Variants in GLP1R observed in about 807,000 individuals in gnomAD.
GLP1R encodes the protein glucagon like peptide 1 receptor, also known as glucagon-like peptide 1 receptor.
A neutral mutation model predicts 68.4 loss-of-function variants in GLP1R; 32 were observed. The observed-to-expected ratio is 0.47, with a 90% CI of 0.35 to 0.63. The LOEUF is 0.63. GLP1R is among the 20% of genes least tolerant of loss of function. The probability of loss-of-function intolerance (pLI) is 0.00; values close to 1 mark genes in which losing one functional copy is unlikely to be tolerated. For synonymous variants in GLP1R, 263 were observed against 244.4 expected (o/e 1.08, Z -0.71); for missense variants, 502 against 594.9 (o/e 0.84, Z 1.62).
At chr6:39,073,294 G>A (rs1768723974) in intron 6 of GLP1R, among the ~76,000 whole-genome samples, 4 of 152,336 alleles carry the variant, frequency 2.6e-5, no homozygotes, top group South Asian at 2.1e-4. Context: ...ACACACTTGA[G>A]TTTGAATGTC....
At position 39,069,502 on chromosome 6, in the gene GLP1R, G is replaced by A. The variant is rs558268627; in HGVS notation, c.509+3199G>A. On this transcript the variant is annotated intron_variant, in intron 5 of 12. Coordinates refer to ENST00000373256, the MANE Select transcript of GLP1R (RefSeq NM_002062.5). ...CAAAAAATTAGCTGGGTGCGGTGGCGGGCGCCTGTAGTCCCAGCTACTCGG... is the reference window on the plus strand; with the variant it reads ...CAAAAAATTAGCTGGGTGCGGTGGCAGGCGCCTGTAGTCCCAGCTACTCGG... 4.6e-5 allele frequency among the ~76,000 whole-genome samples: 7 copies of A among 152,002 alleles called. No individual in the cohort carries two copies. The South Asian group carries it at 6.2e-4, about 14-fold the overall frequency.
intron 1 of GLP1R, among the ~76,000 whole-genome samples, chr6:39,051,356 CT>C (rs1747920260): frequency 6.6e-6 from 1 of 152,108 alleles, no homozygotes; most frequent in Admixed American, 6.5e-5. Context: ...CCCATTTGTC[CT>C]TGGGGATCCA....
At chr6:39,051,528 G>A (rs1289406272) in intron 1 of GLP1R, among the ~76,000 whole-genome samples, 2 of 152,176 alleles carry the variant, frequency 1.3e-5, no homozygotes, top group Non-Finnish European at 2.9e-5. Flanking sequence ...CCAGGCTGGG[G>A]GCTGGGGCAG....
chr6:39,066,256 C>G lies in GLP1R; in HGVS notation c.462C>G (p.Leu154=), dbSNP rs201479595. The G allele has an allele frequency of 6.2e-7, 1 of 1,613,506 alleles. No homozygotes were observed. The highest frequency in any genetic ancestry group is 8.5e-7 in the Non-Finnish European group (1 of 1,179,444). Residue 154 remains leucine, a synonymous_variant, in exon 5 of 13, where the codon CTC becomes CTG. Coordinates refer to ENST00000373256, the MANE Select transcript of GLP1R (RefSeq NM_002062.5). Reference sequence around the variant, plus strand: ...TCATCTACACGGTGGGCTACGCACTCTCCTTCTCTGCTCTGGTTATCGCCT... The same window carrying G: ...TCATCTACACGGTGGGCTACGCACTGTCCTTCTCTGCTCTGGTTATCGCCT... The part of the protein sequence containing the change: ...LYIIYTVGYA[L]SFSALVIASA...
chr6:39,080,599 G>T, intron 11 of GLP1R, 99 bp from the exon 12 acceptor site: 1 of 706,364 alleles, frequency 1.4e-6, no homozygotes, highest in Non-Finnish European at 2.5e-6. Flanking sequence ...TTGGGGAGGG[G>T]GTTGTTGAGG....
intron 12 of GLP1R, among the ~76,000 whole-genome samples, chr6:39,081,197 A>G (rs2300614): frequency 0.59 from 90,058 of 151,932 alleles, 26,966 homozygotes; most frequent in Middle Eastern, 0.68. Flanking sequence ...ATATACATGA[A>G]AACACTGAAG....
rs1768714631 is a variant in GLP1R at position 39,072,929 on chromosome 6, T to C, written c.577T>C (p.Ser193Pro). ...LFASFILRAL[S>P]VFIKDAALKW... ...TGCATCCTTCATCCTGCGAGCATTGTCCGTCTTCATCAAGGACGCAGCCCT... is the reference window on the plus strand; with the variant it reads ...TGCATCCTTCATCCTGCGAGCATTGCCCGTCTTCATCAAGGACGCAGCCCT... Residue 193 changes from serine (S) to proline (P), a missense_variant, in exon 6 of 13, where the codon TCC becomes CCC. Physicochemically the swap from Ser to Pro is moderately conservative, Grantham distance 74 (BLOSUM62 -1). Coordinates refer to ENST00000373256, the MANE Select transcript of GLP1R (RefSeq NM_002062.5). The C allele has an allele frequency of 1.9e-6, 3 of 1,614,142 alleles. No homozygotes were observed. Among genetic ancestry groups the C allele is most frequent in the Non-Finnish European group, 2.5e-6 (3 of 1,179,974 alleles).
intron 5 of GLP1R, 141 bp downstream of exon 5, chr6:39,066,444 G>A (rs1188367962): frequency 4.0e-5 from 23 of 581,744 alleles, no homozygotes; most frequent in South Asian, 1.7e-4. Flanking sequence ...AGCCCTGACC[G>A]TAGAATATGA....
rs1350271736 is a variant in GLP1R, at chr6:39,084,437, C to T, written c.1225-1469C>T. ...AGTCCCATAGGTGTCCCTGAAACCT[C>T]TCTTTGGTCTCTGGTTTCCCGGAGG... On this transcript the variant is annotated intron_variant, in intron 12 of 12. Coordinates refer to ENST00000373256, the MANE Select transcript of GLP1R (RefSeq NM_002062.5). Among the ~76,000 whole-genome samples the T allele has an allele frequency of 5.3e-5, 8 of 152,266 alleles. No individual in the cohort carries two copies. In the East Asian group the frequency reaches 1.2e-3, roughly 22 times the overall value.
chr6:39,070,082 A>G (rs35887128), intron 5 of GLP1R, among the ~76,000 whole-genome samples: 34,354 of 152,156 alleles, frequency 0.23, 4,972 homozygotes, highest in Non-Finnish European at 0.33. Flanking sequence ...AAACTCACTT[A>G]GGCCTCTTTT....
intron 7 of GLP1R, among the ~76,000 whole-genome samples, chr6:39,074,792 C>G (rs1486128917): frequency 6.6e-6 from 1 of 152,200 alleles, no homozygotes; most frequent in Non-Finnish European, 1.5e-5. Flanking sequence ...CCTTCCCACA[C>G]CAGGGTGTCC....
intron 5 of GLP1R, among the ~76,000 whole-genome samples, chr6:39,068,453 C>T (rs748199913): frequency 5.3e-5 from 8 of 152,182 alleles, no homozygotes; most frequent in Non-Finnish European, 1.2e-4. Context: ...TCTGTAGCGG[C>T]CCCACACCTG....
At chr6:39,060,745 T>C (rs1768338577) in intron 3 of GLP1R, among the ~76,000 whole-genome samples, 1 of 152,148 alleles carries the variant, frequency 6.6e-6, no homozygotes, top group Non-Finnish European at 1.5e-5. Context: ...GAGTTCAGAA[T>C]GGAGCAGAGG....
intron 5 of GLP1R, among the ~76,000 whole-genome samples, chr6:39,070,215 C>T (rs1053267745): frequency 3.9e-5 from 6 of 152,196 alleles, no homozygotes; most frequent in African/African-American, 1.4e-4. Context: ...TTTGGAGGAA[C>T]ACAACATTCA....
chr6:39,068,930 T>C (rs1768588521), intron 5 of GLP1R, among the ~76,000 whole-genome samples: 1 of 152,264 alleles, frequency 6.6e-6, no homozygotes, highest in Non-Finnish European at 1.5e-5. Context: ...CCCTTGGTAT[T>C]GTCTCCTGAA....
In GLP1R at chr6:39,079,089, C is replaced by T. The variant is rs1449265459; in HGVS notation, c.955-23C>T. 9 of 1,610,962 alleles carry T rather than the reference C, an allele frequency of 5.6e-6. No individual in the cohort carries two copies. The highest frequency in any genetic ancestry group is 7.6e-6 in the Non-Finnish European group (9 of 1,177,076). On this transcript the variant is annotated intron_variant, in intron 9 of 12. Coordinates refer to ENST00000373256, the MANE Select transcript of GLP1R (RefSeq NM_002062.5). This position sits in a 1 kb window ranked among gnomAD's most constrained non-coding sequence, Gnocchi z 4.5. ...ATAGGGCTGGGCTGGTGCCCCCTGC[C>T]AATCCCCGGCCCCACCCCGCAGGTG...
chr6:39,089,162 A>G lies in GLP1R; in HGVS notation c.*3089A>G, dbSNP rs1364457205. ...TGTGCTTTCCTATTTTTACACTGGT[A>G]CTTCATTCATCCTTGTCTTAAACTT... On this transcript the variant is annotated 3_prime_UTR_variant, in exon 13 of 13. Transcript: ENST00000373256. This position sits in a 1 kb window ranked among gnomAD's most constrained non-coding sequence, Gnocchi z 4.1. Among the ~76,000 whole-genome samples, 1 of 152,230 alleles carries G rather than the reference A, an allele frequency of 6.6e-6. No individual in the cohort carries two copies. The highest frequency in any genetic ancestry group is 2.4e-5 in the African/African-American group (1 of 41,454).
At position 39,086,396 on chromosome 6, in the gene GLP1R, C is replaced by G. The variant is rs1159813433; in HGVS notation, c.*323C>G. The G allele has an allele frequency of 1.2e-5, 3 of 249,538 alleles. No homozygotes were observed. The allele number at this position is 249,538 out of a possible 1,614,324, so 15.5% of individuals were successfully genotyped here. A position where few individuals can be genotyped will look rare whatever the true frequency, so the allele number is the denominator to read the frequency against. The stretch of plus-strand genomic sequence containing the variant: ...GAAACCACAGGCCCTTGGGGTTCCC[C>G]CAGACAGAGCCGCAAATCAACCCCA... On this transcript the variant is annotated 3_prime_UTR_variant, in exon 13 of 13. Transcript: ENST00000373256. This position sits in a 1 kb window ranked among gnomAD's most constrained non-coding sequence, Gnocchi z 4.5.
intron 7 of GLP1R, among the ~76,000 whole-genome samples, chr6:39,074,109 C>G (rs147555668): frequency 1.3e-5 from 2 of 152,038 alleles, no homozygotes; most frequent in Admixed American, 6.5e-5. Flanking sequence ...CCGGGCAGCC[C>G]GAGGGCCTGA....
Sources: allele counts gnomAD v4.1 joint callset (sites outside exome capture counted in the v4.1 genomes callset), GRCh38; gene constraint gnomAD v4.1.1; non-coding constraint Gnocchi (gnomAD v3.1); transcripts MANE v1.5; gene names NCBI Gene and HGNC (gene_info 2026-07-23, HGNC 2026-07-21).